The following NCK2 variants were observed in gnomAD, a reference collection of about 807,000 sequenced individuals.
NCK2 encodes the protein cytoplasmic protein NCK2.
In NCK2, 16 loss-of-function variants were observed where a neutral mutation model predicts 33.9. The observed-to-expected ratio is 0.47, with a 90% CI of 0.32 to 0.72. The LOEUF is 0.72. Among genes scored for constraint, NCK2 ranks in the 30% least tolerant of loss-of-function variants. NCK2 has a pLI of 0.03. For synonymous variants in NCK2, 273 were observed against 239.9 expected (o/e 1.14, Z -1.27); for missense variants, 418 against 537.3 (o/e 0.78, Z 2.19).
intron 1 of NCK2, among the ~76,000 whole-genome samples, chr2:105,806,876 A>G (rs1430875233): frequency 6.6e-6 from 1 of 152,126 alleles, no homozygotes; most frequent in Non-Finnish European, 1.5e-5. Context: ...AATCTTTCTG[A>G]ACCTTTTTCT....
At chr2:105,881,261 C>T in intron 3 of NCK2, 67 bp from the exon 4 acceptor site, 1 of 1,510,530 alleles carries the variant, frequency 6.6e-7, no homozygotes, top group Non-Finnish European at 8.8e-7. Flanking sequence ...GTGGAAATCC[C>T]GGTAGGCTAG....
At chr2:105,840,698 A>C (rs1676609781) in intron 2 of NCK2, among the ~76,000 whole-genome samples, 1 of 152,218 alleles carries the variant, frequency 6.6e-6, no homozygotes, top group South Asian at 2.1e-4. Flanking sequence ...CTCAGGTTCA[A>C]TTAATTTGCT....
Position 105,881,358 on chromosome 2 carries a change from C to A in NCK2, c.257C>A (p.Ala86Glu). 1 of 1,605,722 alleles carries A rather than the reference C, an allele frequency of 6.2e-7. No homozygotes were observed. Among genetic ancestry groups the A allele is most frequent in the Non-Finnish European group, 8.5e-7 (1 of 1,178,594 alleles). Residue 86 changes from alanine (A) to glutamate (E), a missense_variant, in exon 4 of 5, where the codon GCG becomes GAG. Physicochemically the swap from Ala to Glu is moderately radical, Grantham distance 107. Transcript: ENST00000233154. ...GLGKTRRKTS[A>E]RDASPTPSTD... The stretch of plus-strand genomic sequence containing the variant: ...GGCAAGACGCGCAGGAAGACCAGCG[C>A]GCGGGATGCGTCCCCCACGCCCAGC...
intron 2 of NCK2, among the ~76,000 whole-genome samples, chr2:105,823,086 G>T (rs77734985): frequency 0.07 from 10,585 of 151,784 alleles, 436 homozygotes; most frequent in South Asian, 0.13. Flanking sequence ...AAAGCAGAGA[G>T]AAATTTTTCT....
chr2:105,879,634 C>G (rs1678386872), intron 3 of NCK2, among the ~76,000 whole-genome samples: 1 of 152,254 alleles, frequency 6.6e-6, no homozygotes, highest in Non-Finnish European at 1.5e-5. Context: ...TGTATTTGCT[C>G]TGAAACGTAC....
intron 1 of NCK2, among the ~76,000 whole-genome samples, chr2:105,766,204 C>T (rs961249934): frequency 3.3e-5 from 5 of 152,072 alleles, no homozygotes; most frequent in Non-Finnish European, 7.4e-5. Flanking sequence ...CAGGAGAGCC[C>T]GGGAATGTGG....
At chr2:105,875,092 C>T (rs1290341051) in intron 3 of NCK2, among the ~76,000 whole-genome samples, 2 of 152,204 alleles carry the variant, frequency 1.3e-5, no homozygotes, top group East Asian at 3.8e-4. Flanking sequence ...GGTGGCTGGT[C>T]TTTAATGTGG....
intron 1 of NCK2, among the ~76,000 whole-genome samples, chr2:105,778,765 C>A (rs1411650011): frequency 6.6e-6 from 1 of 152,050 alleles, no homozygotes; most frequent in Non-Finnish European, 1.5e-5. Context: ...CTCTCTTGCC[C>A]AGGCTGGAGT....
chr2:105,880,936 ATTTTTTTTTTTTTTTTTT>A (rs59005322), intron 3 of NCK2, among the ~76,000 whole-genome samples: 5,479 of 103,770 alleles, frequency 0.053, 174 homozygotes, highest in Middle Eastern at 0.11. Context: ...CAGGTGGCTA[ATTTTTTTTTTTTTTTTTT>A]TTTTTTTTTT....
intron 3 of NCK2, among the ~76,000 whole-genome samples, chr2:105,873,534 C>A (rs927498191): frequency 6.6e-6 from 1 of 152,222 alleles, no homozygotes; most frequent in African/African-American, 2.4e-5. Context: ...ACACCCAAAA[C>A]CCTTGGTCAC....
intron 1 of NCK2, among the ~76,000 whole-genome samples, chr2:105,750,780 C>G (rs188002773): frequency 6.6e-6 from 1 of 152,180 alleles, no homozygotes; most frequent in Non-Finnish European, 1.5e-5. Context: ...TTAATTGAGA[C>G]CATGATAAAA....
intron 1 of NCK2, among the ~76,000 whole-genome samples, chr2:105,746,346 G>GA (rs898531674): frequency 6.6e-6 from 1 of 152,206 alleles, no homozygotes; most frequent in African/African-American, 2.4e-5. Context: ...ACAGGTAGGG[G>GA]AGTCCCTTCC....
At chr2:105,746,026 C>T (rs1203573160) in intron 1 of NCK2, 1 of 150,578 alleles carries the variant, frequency 6.6e-6, no homozygotes, top group Non-Finnish European at 1.5e-5. Flanking sequence ...TGCTAGGGGT[C>T]ATTGGCTGGT....
chr2:105,891,051 G>A (rs748876363), intron 4 of NCK2, among the ~76,000 whole-genome samples: 3 of 152,208 alleles, frequency 2.0e-5, no homozygotes, highest in African/African-American at 7.2e-5. Context: ...CGAGGTACCA[G>A]CCCTGCCTCG....
At position 105,784,182 on chromosome 2, in the gene NCK2, C is replaced by T. The variant is rs1690594691; in HGVS notation, c.-200-32248C>T. Among the ~76,000 whole-genome samples the T allele has an allele frequency of 2.6e-5, 4 of 152,224 alleles. No homozygotes were observed. In the South Asian group the frequency reaches 8.3e-4, roughly 31 times the overall value. On this transcript the variant is annotated intron_variant, in intron 1 of 4. Transcript: ENST00000233154. The stretch of plus-strand genomic sequence containing the variant: ...GCAGTGGCGTCATCTCTGTTCACTG[C>T]AGCCTCTACCTCTTGGGCTCAAGTA...
At chr2:105,752,429 A>G (rs1448617481) in intron 1 of NCK2, among the ~76,000 whole-genome samples, 1 of 152,244 alleles carries the variant, frequency 6.6e-6, no homozygotes, top group East Asian at 1.9e-4. Context: ...CATTTTACAA[A>G]TATCTTAAAA....
intron 3 of NCK2, among the ~76,000 whole-genome samples, chr2:105,875,484 C>T (rs185673697): frequency 6.6e-5 from 10 of 152,308 alleles, no homozygotes; most frequent in African/African-American, 2.2e-4. Flanking sequence ...CAAGCTGCCT[C>T]AGATCGTGTT....
intron 4 of NCK2, among the ~76,000 whole-genome samples, chr2:105,890,760 T>TG (rs1179663548): frequency 6.6e-6 from 1 of 152,254 alleles, no homozygotes; most frequent in Non-Finnish European, 1.5e-5. Context: ...CTCATTCCCC[T>TG]GAGTTGTCAT....
intron 1 of NCK2, among the ~76,000 whole-genome samples, chr2:105,815,068 T>G (rs1675432828): frequency 6.6e-6 from 1 of 152,186 alleles, no homozygotes; most frequent in South Asian, 2.1e-4. Flanking sequence ...GAGTTCAGAT[T>G]CCAATACTTC....
Sources: allele counts gnomAD v4.1 joint callset (sites outside exome capture counted in the v4.1 genomes callset), GRCh38; gene constraint gnomAD v4.1.1; transcripts MANE v1.5; gene names NCBI Gene and HGNC (gene_info 2026-07-23, HGNC 2026-07-21).